Variants in MED27 observed in about 807,000 individuals in gnomAD.
The protein encoded by MED27 is mediator complex subunit 27.
MED27 carries 30 observed loss-of-function variants against 38.2 expected under a neutral mutation model. The observed-to-expected ratio is 0.79, with a 90% CI of 0.59 to 1.07. MED27 has a LOEUF of 1.07. Among genes scored for constraint, MED27 ranks in the 50% least tolerant of loss-of-function variants. The pLI is 0.00. For missense variants in MED27, 289 were observed against 397.5 expected (o/e 0.73, Z 2.32); for synonymous variants, 122 against 153.5 (o/e 0.79, Z 1.52).
At chr9:131,946,714 C>T (rs1318133432) in intron 3 of MED27, among the ~76,000 whole-genome samples, 2 of 152,312 alleles carry the variant, frequency 1.3e-5, no homozygotes, top group East Asian at 1.9e-4. Context: ...GCTTCTTCCA[C>T]GTCCCTGAGC....
chr9:131,976,490 A>C (rs1394062319), intron 3 of MED27, among the ~76,000 whole-genome samples: 2 of 152,252 alleles, frequency 1.3e-5, no homozygotes, highest in African/African-American at 4.8e-5. Flanking sequence ...GATGAGTGAT[A>C]GGATTATTCC....
At chr9:132,037,496 G>A (rs893539240) in intron 2 of MED27, among the ~76,000 whole-genome samples, 1 of 152,180 alleles carries the variant, frequency 6.6e-6, no homozygotes, top group Admixed American at 6.5e-5. Flanking sequence ...TCTAACAGTT[G>A]AAAGACTAGT....
At chr9:131,877,942 TC>T (rs2131472405) in intron 6 of MED27, among the ~76,000 whole-genome samples, 1 of 152,196 alleles carries the variant, frequency 6.6e-6, no homozygotes, top group African/African-American at 2.4e-5. Flanking sequence ...CAGACCTTGA[TC>T]AAGTCTGCCT....
In MED27 at chr9:132,079,703, G is replaced by T; in HGVS notation, c.142C>A (p.Arg48=). 6.2e-7 allele frequency: 1 copy of T among 1,613,414 alleles called. No individual in the cohort carries two copies. The highest frequency in any genetic ancestry group is 8.5e-7 in the Non-Finnish European group (1 of 1,179,880). ...AAGTGCGCAATAAAGGCCTTCTCCC[G>T]GCCCTCCAGCGTCTCCTTGTTCCGC... ...GMRNKETLEG[R]EKAFIAHFQD... is the part of the protein sequence containing the mutation. The change falls in exon 1 of 8, where the codon CGG becomes AGG. Residue 48 remains arginine (R), a synonymous_variant. Transcript: ENST00000292035.
rs1839077839 is a variant in MED27 at position 131,883,144 on chromosome 9, TG to T, written c.723+913del. Among the ~76,000 whole-genome samples the T allele has an allele frequency of 1.3e-5, 2 of 152,172 alleles. No individual in the cohort carries two copies. Among genetic ancestry groups the T allele is most frequent in the Admixed American group, 1.3e-4 (2 of 15,276 alleles). ...CTGGTCTTGAACTCCTGACCTCAGGTGATCTGCCTACCTTGGCCTCCCAAAG... is the reference window on the plus strand; with the variant it reads ...CTGGTCTTGAACTCCTGACCTCAGGTATCTGCCTACCTTGGCCTCCCAAAG... On this transcript the variant is annotated intron_variant, in intron 6 of 7. Coordinates refer to ENST00000292035, the MANE Select transcript of MED27 (RefSeq NM_004269.4). This position sits in a 1 kb window ranked among gnomAD's most constrained non-coding sequence, Gnocchi z 4.2.
intron 2 of MED27, chr9:132,073,583 CA>C (rs1319637982): frequency 7.2e-7 from 1 of 1,395,670 alleles, no homozygotes; most frequent in East Asian, 2.7e-5. Context: ...GATGCAAAAA[CA>C]GAAAAGAGCA....
chr9:132,005,728 C>T (rs1019216371), intron 3 of MED27, among the ~76,000 whole-genome samples: 14 of 152,116 alleles, frequency 9.2e-5, no homozygotes, highest in Non-Finnish European at 1.8e-4. Context: ...GGAATTGATA[C>T]GGATAAATAT....
rs1332736120 is a variant in MED27, at chr9:131,860,680, G to C, written c.802-8C>G. 1 of 1,612,218 alleles carries C rather than the reference G, an allele frequency of 6.2e-7. No homozygotes were observed. Among genetic ancestry groups the C allele is most frequent in the African/African-American group, 1.3e-5 (1 of 74,896 alleles). ...GTAACTTCTTAACCAGGTCTAAAAA[G>C]AGAAACGAGGAGAGAAGTGAAAGAA... On this transcript the variant is annotated splice_region_variant and splice_polypyrimidine_tract_variant and intron_variant, in intron 7 of 7. Coordinates refer to ENST00000292035, the MANE Select transcript of MED27 (RefSeq NM_004269.4). This position sits in a 1 kb window ranked among gnomAD's most constrained non-coding sequence, Gnocchi z 5.8.
intron 3 of MED27, among the ~76,000 whole-genome samples, chr9:132,006,013 GC>G (rs1832351973): frequency 6.6e-6 from 1 of 151,948 alleles, no homozygotes; most frequent in Admixed American, 6.6e-5. Flanking sequence ...CGCCACCTAG[GC>G]CTAGGATTAT....
In MED27 at chr9:131,860,671, G is replaced by A; in HGVS notation, c.803C>T (p.Thr268Ile). The A allele has an allele frequency of 6.2e-7, 1 of 1,613,096 alleles. No individual in the cohort carries two copies. The highest frequency in any genetic ancestry group is 8.5e-7 in the Non-Finnish European group (1 of 1,179,608). Reference protein sequence around the residue: ...MPDVVVRSFMTWLRSYIKLFQ... With the variant: ...MPDVVVRSFMIWLRSYIKLFQ... ...CAGCTTTATGTAACTTCTTAACCAGGTCTAAAAAGAGAAACGAGGAGAGAA... is the reference window on the plus strand; with the variant it reads ...CAGCTTTATGTAACTTCTTAACCAGATCTAAAAAGAGAAACGAGGAGAGAA... The change falls in exon 8 of 8, where the codon ACC becomes ATC. Residue 268 changes from threonine (T) to isoleucine (I), a missense_variant and splice_region_variant. By Grantham distance (89) the Thr-to-Ile change is moderately conservative (BLOSUM62 -1). Transcript: ENST00000292035. This position sits in a 1 kb window ranked among gnomAD's most constrained non-coding sequence, Gnocchi z 5.8.
chr9:132,045,254 A>C (rs1030900302), intron 2 of MED27, among the ~76,000 whole-genome samples: 6 of 152,212 alleles, frequency 3.9e-5, no homozygotes, highest in Admixed American at 3.9e-4. Context: ...TTGTAAACAT[A>C]AAATAGCTAG....
At chr9:131,936,489 G>A (rs1334574231) in intron 4 of MED27, among the ~76,000 whole-genome samples, 2 of 152,246 alleles carry the variant, frequency 1.3e-5, no homozygotes, top group Non-Finnish European at 2.9e-5. Flanking sequence ...ACTCCTTGCA[G>A]TTCTGTGGGG....
At chr9:131,987,358 G>A (rs1831877062) in intron 3 of MED27, among the ~76,000 whole-genome samples, 2 of 152,108 alleles carry the variant, frequency 1.3e-5, no homozygotes, top group Admixed American at 1.3e-4. Flanking sequence ...AGATGAGAAG[G>A]GTCAGAAGTC....
At chr9:132,034,938 T>C (rs1564333834) in intron 2 of MED27, among the ~76,000 whole-genome samples, 1 of 152,154 alleles carries the variant, frequency 6.6e-6, no homozygotes, top group Non-Finnish European at 1.5e-5. Flanking sequence ...CCATAATCAG[T>C]TCACCGGACC....
intron 4 of MED27, among the ~76,000 whole-genome samples, chr9:131,896,234 C>A (rs1829831533): frequency 6.6e-6 from 1 of 152,134 alleles, no homozygotes; most frequent in Non-Finnish European, 1.5e-5. Context: ...ACACTGAAAT[C>A]GATACCTTCT....
intron 4 of MED27, among the ~76,000 whole-genome samples, chr9:131,936,295 AG>A (rs1830684134): frequency 6.6e-6 from 1 of 152,196 alleles, no homozygotes; most frequent in South Asian, 2.1e-4. Flanking sequence ...GTGTCCCCGC[AG>A]CCACGGGAAA....
chr9:132,077,621 G>C, intron 1 of MED27, 35 bp from the exon 2 acceptor site: 2 of 1,612,510 alleles, frequency 1.2e-6, no homozygotes, highest in Non-Finnish European at 8.5e-7. Flanking sequence ...ATAAACCTAA[G>C]CCCATTTACA....
At chr9:132,032,594 C>T (rs755581286) in intron 2 of MED27, among the ~76,000 whole-genome samples, 14 of 152,176 alleles carry the variant, frequency 9.2e-5, no homozygotes, top group Non-Finnish European at 1.6e-4. Context: ...TTCATTTGCA[C>T]CTAAGCAAAT....
intron 6 of MED27, among the ~76,000 whole-genome samples, chr9:131,874,956 T>C (rs1838903687): frequency 6.6e-6 from 1 of 152,176 alleles, no homozygotes; most frequent in Non-Finnish European, 1.5e-5. Flanking sequence ...TACCACCTAC[T>C]TCTCCATCAA....
Sources: allele counts gnomAD v4.1 joint callset (sites outside exome capture counted in the v4.1 genomes callset), GRCh38; gene constraint gnomAD v4.1.1; non-coding constraint Gnocchi (gnomAD v3.1); transcripts MANE v1.5; gene names NCBI Gene and HGNC (gene_info 2026-07-23, HGNC 2026-07-21).